Variants in PHC1 observed in about 807,000 individuals in gnomAD.
The protein encoded by PHC1 is polyhomeotic-like protein 1.
In PHC1, 12 loss-of-function variants were observed where a neutral mutation model predicts 104.3. That is an observed-to-expected ratio of 0.12 (90% CI 0.07 to 0.19). The LOEUF is 0.19. PHC1 is among the 10% of genes least tolerant of loss of function. PHC1 has a pLI of 1.00. For missense variants in PHC1, 671 were observed against 1,200.0 expected, an observed-to-expected ratio of 0.56 and a Z score of 6.51; for synonymous variants, 302 against 455.8, an observed-to-expected ratio of 0.66 and a Z score of 4.30.
At chr12:8,916,509 CAAAA>C (rs976945542) in intron 1 of PHC1, among the ~76,000 whole-genome samples, 1 of 150,058 alleles carries the variant, frequency 6.7e-6, no homozygotes, top group Non-Finnish European at 1.5e-5. Context: ...AAGAGAAAAA[CAAAA>C]AAAAAGAATG....
In PHC1 at chr12:8,922,418, G is replaced by T. The variant is rs1805740; in HGVS notation, c.457-215G>T. 0.65 allele frequency among the ~76,000 whole-genome samples: 98,305 copies of T among 151,836 alleles called. 32,642 individuals are homozygous for T. Among genetic ancestry groups the T allele is most frequent in the South Asian group, 0.83 (4,014 of 4,824 alleles). ...TCTATTTCTTTGACGTGTGACTCTT[G>T]GACATCAATCTGTAGTTTTCTATGC... On this transcript the variant is annotated intron_variant, in intron 5 of 14. Coordinates refer to ENST00000544916, the MANE Select transcript of PHC1 (RefSeq NM_004426.3).
chr12:8,922,596 T>G (rs778242357), intron 5 of PHC1, 37 bp from the exon 6 acceptor site: 2 of 1,537,874 alleles, frequency 1.3e-6, no homozygotes, highest in South Asian at 2.4e-5. Flanking sequence ...TCTTTCCCTC[T>G]TGTCCTCTTT....
intron 6 of PHC1, among the ~76,000 whole-genome samples, chr12:8,929,552 G>A (rs1408073859): frequency 6.7e-6 from 1 of 148,842 alleles, no homozygotes; most frequent in Non-Finnish European, 1.5e-5. Context: ...TTTCTGGACA[G>A]GGTCTCACTC....
rs1945972951 is a variant in PHC1 at position 8,940,290 on chromosome 12, G to A, written c.*831G>A. The A allele has an allele frequency of 6.1e-6, 1 of 163,454 alleles. No homozygotes were observed. 10.1% of individuals were successfully genotyped at this position (163,454 alleles called of 1,614,324 possible). Reference sequence around the variant, plus strand: ...TAAATATTTTTTTCCTCAGTAAAAGGATGAAAATTGGTTTCAGTTGTCTTA... The same window carrying A: ...TAAATATTTTTTTCCTCAGTAAAAGAATGAAAATTGGTTTCAGTTGTCTTA... On this transcript the variant is annotated 3_prime_UTR_variant, in exon 15 of 15. Transcript: ENST00000544916.
rs1411086920 is a variant in PHC1, at chr12:8,917,622, C to T, written c.-48-8C>T. The T allele has an allele frequency of 1.3e-6, 1 of 748,556 alleles. No individual in the cohort carries two copies. Among genetic ancestry groups the T allele is most frequent in the African/African-American group, 1.8e-5 (1 of 54,576 alleles). 46.4% of individuals were successfully genotyped at this position (748,556 alleles called of 1,614,324 possible). A position where few individuals can be genotyped will look rare whatever the true frequency, so the allele number is the denominator to read the frequency against. ...TATAAATTTTAACCTTTTACTGCTT[C>T]CCTCTAGGTCTTGAGTCAGACAGAG... On this transcript the variant is annotated splice_region_variant and splice_polypyrimidine_tract_variant and intron_variant, in intron 1 of 14. Coordinates refer to ENST00000544916, the MANE Select transcript of PHC1 (RefSeq NM_004426.3).
intron 6 of PHC1, among the ~76,000 whole-genome samples, chr12:8,923,307 C>T (rs978681447): frequency 6.6e-6 from 1 of 152,106 alleles, no homozygotes; most frequent in African/African-American, 2.4e-5. Context: ...TGACTTATTC[C>T]CAAAATACAT....
Position 8,934,248 on chromosome 12 carries a change from A to C in PHC1, c.2042-19A>C, listed in dbSNP as rs1945770976. 1 of 1,589,460 alleles carries C rather than the reference A, an allele frequency of 6.3e-7. No individual in the cohort carries two copies. The highest frequency in any genetic ancestry group is 1.3e-5 in the African/African-American group (1 of 74,656). ...TATGTCATCTCATGTCTGTTGCTTAATCTGTGTTTGTTTTCCAGAAAAAGC... is the reference window on the plus strand; with the variant it reads ...TATGTCATCTCATGTCTGTTGCTTACTCTGTGTTTGTTTTCCAGAAAAAGC... On this transcript the variant is annotated intron_variant, in intron 9 of 14. Transcript: ENST00000544916.
chr12:8,936,055 C>T (rs1445681227), intron 11 of PHC1, among the ~76,000 whole-genome samples: 1 of 152,148 alleles, frequency 6.6e-6, no homozygotes, highest in African/African-American at 2.4e-5. Flanking sequence ...TGAGCCACCA[C>T]GCCTGGCCCT....
At chr12:8,934,583 G>A in intron 10 of PHC1, 105 bp downstream of exon 10, 1 of 729,754 alleles carries the variant, frequency 1.4e-6, no homozygotes, top group East Asian at 2.6e-5. Flanking sequence ...TTTAATGAAA[G>A]AATGGTTCAA....
rs200576754 is a variant in PHC1, at chr12:8,936,134, AC to A, written c.2369-721del. ...GATGACTCTCACCTATAATTCCAGT[AC>A]TTTGGGAGGCCAAGGCCGGTGGATT... On this transcript the variant is annotated intron_variant, in intron 11 of 14. Coordinates refer to ENST00000544916, the MANE Select transcript of PHC1 (RefSeq NM_004426.3). Among the ~76,000 whole-genome samples the A allele has an allele frequency of 4.3e-3, 659 of 152,256 alleles. 6 individuals are homozygous for A. The highest frequency in any genetic ancestry group is 0.015 in the African/African-American group (631 of 41,554).
chr12:8,923,845 AAG>A (rs1164167828), intron 6 of PHC1, among the ~76,000 whole-genome samples: 59 of 151,536 alleles, frequency 3.9e-4, no homozygotes, highest in Non-Finnish European at 1.5e-5. Flanking sequence ...AAAAAAAAAA[AAG>A]AAAATATTTG....
In PHC1 at chr12:8,931,025, T is replaced by C. The variant is rs886927480; in HGVS notation, c.1105+98T>C. 23 of 1,267,040 alleles carry C rather than the reference T, an allele frequency of 1.8e-5. No individual in the cohort carries two copies. The East Asian group carries it at 2.7e-4, about 15-fold the overall frequency. The allele number at this position is 1,267,040 out of a possible 1,614,324, so 78.5% of individuals were successfully genotyped here. ...TTTTTTTCTTTGCCTTTTTGTTTTT[T>C]CCCCGCTTCTGTTGGTCCTTGAATA... On this transcript the variant is annotated intron_variant, in intron 7 of 14. Transcript: ENST00000544916.
intron 1 of PHC1, among the ~76,000 whole-genome samples, chr12:8,915,601 C>T (rs756000380): frequency 2.0e-5 from 3 of 152,178 alleles, no homozygotes; most frequent in Non-Finnish European, 2.9e-5. Flanking sequence ...CTTAGCTACT[C>T]TGGGGGCATC....
rs1945302896 is a variant in PHC1 at position 8,919,700 on chromosome 12, A to G, written c.115-56A>G. 5 of 1,514,826 alleles carry G rather than the reference A, an allele frequency of 3.3e-6. No individual in the cohort carries two copies. The highest frequency in any genetic ancestry group is 3.7e-5 in the Admixed American group (2 of 54,318). 93.8% of individuals were successfully genotyped at this position (1,514,826 alleles called of 1,614,324 possible). On this transcript the variant is annotated intron_variant, in intron 2 of 14. Transcript: ENST00000544916. The surrounding 1 kb of genome is among the most constrained non-coding windows in gnomAD (Gnocchi z 4.9). ...CTTTCACACAAATACAGTGATTTAC[A>G]TAGAATAGGAGCTAGGAGTGGTCCA... is the stretch of plus-strand genomic sequence containing the variant.
At chr12:8,939,188 A>G (rs1393498568) in intron 14 of PHC1, 117 bp from the exon 15 acceptor site, 23 of 1,266,398 alleles carry the variant, frequency 1.8e-5, no homozygotes, top group Non-Finnish European at 2.3e-5. Flanking sequence ...ATCTGACTTC[A>G]TATTACTGAA....
At chr12:8,923,754 C>G (rs764853173) in intron 6 of PHC1, among the ~76,000 whole-genome samples, 1 of 144,028 alleles carries the variant, frequency 6.9e-6, no homozygotes, top group African/African-American at 2.6e-5. Context: ...GGCATGAACC[C>G]GGGAGGCGGA....
At position 8,931,580 on chromosome 12, in the gene PHC1, G is replaced by A. The variant is rs191065275; in HGVS notation, c.1105+653G>A. 6.6e-5 allele frequency among the ~76,000 whole-genome samples: 10 copies of A among 152,286 alleles called. No homozygotes were observed. The East Asian group carries it at 7.7e-4, about 12-fold the overall frequency. ...CCGGGCGTAGTGGTTTACACCTGTA[G>A]TCCCAGCTGCTCGGGAGGCTGAAGC... On this transcript the variant is annotated intron_variant, in intron 7 of 14. Coordinates refer to ENST00000544916, the MANE Select transcript of PHC1 (RefSeq NM_004426.3).
intron 3 of PHC1, 95 bp from the exon 4 acceptor site, chr12:8,920,890 T>C: frequency 1.3e-6 from 1 of 793,028 alleles, no homozygotes; most frequent in Non-Finnish European, 2.1e-6. Context: ...TAATGTGAAA[T>C]CTCTATGTTT....
chr12:8,935,194 A>G lies in PHC1; in HGVS notation c.2324A>G (p.Glu775Gly). ...ACTGGCCTTCCGACAGGGCTGACTG[A>G]GAATCAGTCAGGTGGCCCTTTGGGA... ...LQTGLPTGLT[E>G]NQSGGPLGVD... Residue 775 changes from glutamate (E) to glycine (G), a missense_variant, in exon 11 of 15, where the codon GAG becomes GGG. Transcript: ENST00000544916. The G allele has an allele frequency of 6.3e-7, 1 of 1,590,460 alleles. No homozygotes were observed. The highest frequency in any genetic ancestry group is 1.1e-5 in the South Asian group (1 of 87,978).
Sources: allele counts gnomAD v4.1 joint callset (sites outside exome capture counted in the v4.1 genomes callset), GRCh38; gene constraint gnomAD v4.1.1; non-coding constraint Gnocchi (gnomAD v3.1); transcripts MANE v1.5; gene names NCBI Gene and HGNC (gene_info 2026-07-23, HGNC 2026-07-21).